Variants in SORCS3 observed in about 807,000 individuals in gnomAD.
SORCS3 encodes the protein VPS10 domain-containing receptor SorCS3.
A neutral mutation model predicts 146.3 loss-of-function variants in SORCS3; 57 were observed. The observed-to-expected ratio is 0.39, with a 90% CI of 0.31 to 0.49. The LOEUF is 0.49. Among genes scored for constraint, SORCS3 ranks in the 20% least tolerant of loss-of-function variants. The pLI is 0.92. For missense variants in SORCS3, 1,341 were observed against 1,575.5 expected, an observed-to-expected ratio of 0.85 and a Z score of 2.52; for synonymous variants, 653 against 618.5, an observed-to-expected ratio of 1.06 and a Z score of -0.83.
intron 1 of SORCS3, among the ~76,000 whole-genome samples, chr10:104,789,805 C>T (rs541984472): frequency 6.6e-6 from 1 of 152,290 alleles, no homozygotes; most frequent in African/African-American, 2.4e-5. Flanking sequence ...CCTCTGCCAC[C>T]ACCCACCCTC....
chr10:105,197,063 T>C (rs1292517043), intron 14 of SORCS3, among the ~76,000 whole-genome samples: 1 of 152,148 alleles, frequency 6.6e-6, no homozygotes, highest in African/African-American at 2.4e-5. Flanking sequence ...ATGCTACTCA[T>C]CTTTGTGTCT....
At chr10:105,017,231 T>C (rs993427503) in intron 4 of SORCS3, among the ~76,000 whole-genome samples, 1 of 151,886 alleles carries the variant, frequency 6.6e-6, no homozygotes, top group Non-Finnish European at 1.5e-5. Context: ...GGGGTGGAGA[T>C]GGAGGTCCCC....
At chr10:104,896,304 C>G (rs996523240) in intron 2 of SORCS3, among the ~76,000 whole-genome samples, 1 of 152,208 alleles carries the variant, frequency 6.6e-6, no homozygotes, top group African/African-American at 2.4e-5. Context: ...GAAGGATCCA[C>G]AAGACCTTGG....
intron 16 of SORCS3, among the ~76,000 whole-genome samples, chr10:105,207,657 T>C (rs151003287): frequency 1.3e-5 from 2 of 152,302 alleles, no homozygotes; most frequent in East Asian, 3.9e-4. Flanking sequence ...GTATGAGATA[T>C]TTTAATATAC....
chr10:104,754,080 A>T (rs993072781), intron 1 of SORCS3, among the ~76,000 whole-genome samples: 2 of 152,104 alleles, frequency 1.3e-5, no homozygotes, highest in Non-Finnish European at 2.9e-5. Flanking sequence ...TAGTTACTAA[A>T]ATTCTGCTAT....
At chr10:104,974,221 C>A (rs533506407) in intron 3 of SORCS3, among the ~76,000 whole-genome samples, 38 of 152,246 alleles carry the variant, frequency 2.5e-4, no homozygotes, top group African/African-American at 8.9e-4. Flanking sequence ...CTGCTTGGTG[C>A]AGAGCTGAGT....
chr10:105,020,916 C>T (rs1168486125), intron 4 of SORCS3, among the ~76,000 whole-genome samples: 1 of 152,178 alleles, frequency 6.6e-6, no homozygotes, highest in Non-Finnish European at 1.5e-5. Context: ...TATCCTTGGC[C>T]ACAGTACATA....
rs188147039 is a variant in SORCS3, at chr10:104,734,466, A to T, written c.627+92512A>T. On this transcript the variant is annotated intron_variant, in intron 1 of 26. Transcript: ENST00000369701. The stretch of plus-strand genomic sequence containing the variant: ...AGGACCTTAGTCCTGTCTTAAGAAG[A>T]TTGAAAGAGCTTCAGAGACCAAGTA... 8.8e-4 allele frequency among the ~76,000 whole-genome samples: 134 copies of T among 152,354 alleles called. 2 individuals carry two copies. In the East Asian group the frequency reaches 0.023, roughly 26 times the overall value.
intron 1 of SORCS3, among the ~76,000 whole-genome samples, chr10:104,721,911 T>C (rs1263581189): frequency 6.6e-6 from 1 of 152,212 alleles, no homozygotes; most frequent in Non-Finnish European, 1.5e-5. Flanking sequence ...CATACAGTCA[T>C]GTCATCTGCA....
intron 3 of SORCS3, among the ~76,000 whole-genome samples, chr10:104,970,119 A>G (rs1376356618): frequency 6.6e-6 from 1 of 152,074 alleles, no homozygotes; most frequent in Admixed American, 6.6e-5. Context: ...ATATGGAGCA[A>G]GTGAGGCTGG....
rs71022746 is a variant in SORCS3 at position 104,741,700 on chromosome 10, G to GTTT, written c.627+99776_627+99778dup. 4.6e-3 allele frequency among the ~76,000 whole-genome samples: 15 copies of GTTT among 3,264 alleles called. 3 individuals carry two copies. The highest frequency in any genetic ancestry group is 0.027 in the East Asian group (2 of 74). 2.1% of individuals were successfully genotyped at this position (3,264 alleles called of 152,430 possible). A position where few individuals can be genotyped will look rare whatever the true frequency, so the allele number is the denominator to read the frequency against. The stretch of plus-strand genomic sequence containing the variant: ...CTTTCCTCTTTCCTTTCCATTCTGG[G>GTTT]TTTTTTTTTTTTTTTTTTTTTTTTT... On this transcript the variant is annotated intron_variant, in intron 1 of 26. Transcript: ENST00000369701.
chr10:104,884,875 G>A (rs1029145562), intron 2 of SORCS3, among the ~76,000 whole-genome samples: 3 of 151,916 alleles, frequency 2.0e-5, no homozygotes, highest in African/African-American at 7.3e-5. Context: ...CCCTCCAGGG[G>A]TGCTTGCTAC....
intron 1 of SORCS3, among the ~76,000 whole-genome samples, chr10:104,823,273 A>T (rs1422511565): frequency 1.3e-5 from 2 of 152,168 alleles, no homozygotes; most frequent in Non-Finnish European, 2.9e-5. Flanking sequence ...GGAGCATGAA[A>T]TGAGGTTTAG....
At chr10:104,741,700 G>GCTTTTTTTTTTTTTTTT (rs1554848072) in intron 1 of SORCS3, among the ~76,000 whole-genome samples, 1 of 3,244 alleles carries the variant, frequency 3.1e-4, no homozygotes, top group Non-Finnish European at 5.6e-4. Flanking sequence ...TCCATTCTGG[G>GCTTTTTTTTTTTTTTTT]TTTTTTTTTT....
At chr10:104,892,647 C>T (rs541104400) in intron 2 of SORCS3, among the ~76,000 whole-genome samples, 1 of 151,982 alleles carries the variant, frequency 6.6e-6, no homozygotes, top group East Asian at 1.9e-4. Flanking sequence ...CACTTGTACC[C>T]GGGAGGCGGA....
intron 2 of SORCS3, among the ~76,000 whole-genome samples, chr10:104,844,569 G>C (rs1044064256): frequency 6.6e-6 from 1 of 152,154 alleles, no homozygotes; most frequent in African/African-American, 2.4e-5. Flanking sequence ...TTTGGTGTCT[G>C]TAAGGGTACC....
chr10:104,912,169 C>A (rs568271021), intron 2 of SORCS3, among the ~76,000 whole-genome samples: 1 of 152,310 alleles, frequency 6.6e-6, no homozygotes, highest in East Asian at 1.9e-4. Context: ...AATTTTTTAA[C>A]AGCCTTCTAA....
intron 1 of SORCS3, among the ~76,000 whole-genome samples, chr10:104,719,690 A>G (rs965683350): frequency 2.0e-5 from 3 of 152,202 alleles, no homozygotes; most frequent in Non-Finnish European, 4.4e-5. Context: ...GAAAAACACC[A>G]TGCATGTATG....
At chr10:104,869,331 G>A (rs1260605704) in intron 2 of SORCS3, among the ~76,000 whole-genome samples, 3 of 152,274 alleles carry the variant, frequency 2.0e-5, no homozygotes, top group Admixed American at 6.5e-5. Context: ...AAGGACAGGA[G>A]AAGACTAATG....
Sources: allele counts gnomAD v4.1 joint callset (sites outside exome capture counted in the v4.1 genomes callset), GRCh38; gene constraint gnomAD v4.1.1; transcripts MANE v1.5; gene names NCBI Gene and HGNC (gene_info 2026-07-23, HGNC 2026-07-21).